The following ACOXL variants were observed in gnomAD, a reference collection of about 807,000 sequenced individuals.
ACOXL encodes acyl-coenzyme A oxidase-like protein.
Under a neutral mutation model 71.9 loss-of-function variants are expected in ACOXL, and 70 were observed. The observed-to-expected ratio is 0.97, with a 90% CI of 0.80 to 1.19. ACOXL has a LOEUF of 1.19. Ranked by LOEUF, ACOXL falls within the 50% of genes most tolerant of loss-of-function variation. The pLI is 0.00. For synonymous variants in ACOXL, 253 were observed against 281.6 expected (o/e 0.90, Z 1.02); for missense variants, 703 against 736.3 (o/e 0.95, Z 0.52).
intron 13 of ACOXL, 101 bp downstream of exon 13, chr2:110,987,318 G>A (rs984088599): frequency 9.2e-7 from 1 of 1,081,906 alleles, no homozygotes; most frequent in African/African-American, 1.6e-5. Flanking sequence ...GAAATTTTTA[G>A]TGTTTGCTGT....
intron 1 of ACOXL, among the ~76,000 whole-genome samples, chr2:110,764,165 T>TA (rs1225561040): frequency 6.6e-6 from 1 of 152,238 alleles, no homozygotes; most frequent in African/African-American, 2.4e-5. Flanking sequence ...CCTTGGTATT[T>TA]ACCCAAAGGA....
chr2:110,737,087 TCA>T (rs1676957651), intron 1 of ACOXL, among the ~76,000 whole-genome samples: 1 of 152,266 alleles, frequency 6.6e-6, no homozygotes, highest in African/African-American at 2.4e-5. Context: ...AAATAGGATC[TCA>T]CTGTGTGTTT....
intron 10 of ACOXL, among the ~76,000 whole-genome samples, chr2:110,852,462 G>C (rs1216058588): frequency 6.6e-6 from 1 of 152,176 alleles, no homozygotes; most frequent in Non-Finnish European, 1.5e-5. Context: ...GGCTTAAATT[G>C]GCAAGACGTA....
intron 16 of ACOXL, among the ~76,000 whole-genome samples, chr2:111,069,772 C>G (rs923076161): frequency 5.9e-5 from 9 of 152,162 alleles, no homozygotes; most frequent in African/African-American, 2.2e-4. Context: ...AATCACCTCT[C>G]TGCATGCAGA....
intron 16 of ACOXL, among the ~76,000 whole-genome samples, chr2:111,084,742 G>T (rs1301960924): frequency 6.6e-6 from 1 of 152,006 alleles, no homozygotes; most frequent in Non-Finnish European, 1.5e-5. Context: ...AATGTAAATG[G>T]ACTAAATGAC....
intron 12 of ACOXL, among the ~76,000 whole-genome samples, chr2:110,951,313 T>C (rs1212082835): frequency 1.3e-5 from 2 of 152,252 alleles, no homozygotes; most frequent in Non-Finnish European, 1.5e-5. Flanking sequence ...AACAACCTAG[T>C]TAAAGTGCCA....
intron 12 of ACOXL, among the ~76,000 whole-genome samples, chr2:110,951,797 A>G (rs1406030265): frequency 6.6e-6 from 1 of 152,138 alleles, no homozygotes; most frequent in Admixed American, 6.5e-5. Context: ...AGATTTTCTA[A>G]TGTTAACAAA....
chr2:111,059,621 G>A lies in ACOXL; in HGVS notation c.1440+10333G>A, dbSNP rs969332654. Among the ~76,000 whole-genome samples, 120 of 152,116 alleles carry A rather than the reference G, an allele frequency of 7.9e-4. 1 individual carries two copies. Among genetic ancestry groups the A allele is most frequent in the African/African-American group, 2.8e-3 (116 of 41,420 alleles). On this transcript the variant is annotated intron_variant, in intron 16 of 17. Transcript: ENST00000439055. ...AAACAAACATAAAAGATTCTGAAAG[G>A]TAAGAACTAGAAAGTAGACCAAGCT...
rs2149533232 is a variant in ACOXL at position 110,983,150 on chromosome 2, T to A, written c.1060-3958T>A. On this transcript the variant is annotated intron_variant, in intron 12 of 17. Transcript: ENST00000439055. ...CCTTGGAAATCACATTTTTCTATTATAATTGGCTCTAAGTGTTTCTGCTTT... is the reference window on the plus strand; with the variant it reads ...CCTTGGAAATCACATTTTTCTATTAAAATTGGCTCTAAGTGTTTCTGCTTT... Among the ~76,000 whole-genome samples, 3 of 152,370 alleles carry A rather than the reference T, an allele frequency of 2.0e-5. No individual in the cohort carries two copies. The South Asian group carries it at 6.2e-4, about 32-fold the overall frequency.
At chr2:111,010,010 G>A (rs2064071743) in intron 14 of ACOXL, among the ~76,000 whole-genome samples, 1 of 152,140 alleles carries the variant, frequency 6.6e-6, no homozygotes, top group African/African-American at 2.4e-5. Flanking sequence ...ACCCTTTAGA[G>A]GAAGTCAACA....
intron 14 of ACOXL, among the ~76,000 whole-genome samples, chr2:110,997,275 A>T (rs1490316492): frequency 1.3e-5 from 2 of 152,236 alleles, no homozygotes; most frequent in African/African-American, 2.4e-5. Context: ...AAGTGCTGGG[A>T]CAAAAGGAGC....
chr2:110,940,251 GC>G (rs1223602965), intron 12 of ACOXL, among the ~76,000 whole-genome samples: 3 of 152,166 alleles, frequency 2.0e-5, no homozygotes, highest in African/African-American at 7.2e-5. Context: ...GCAAAACACA[GC>G]CCAGACTCAC....
chr2:110,818,122 C>G (rs1352582108), intron 9 of ACOXL, among the ~76,000 whole-genome samples: 1 of 151,912 alleles, frequency 6.6e-6, no homozygotes, highest in Non-Finnish European at 1.5e-5. Context: ...TGGCCGGGTG[C>G]AGTGGGTCAT....
At chr2:111,082,225 G>A (rs964230034) in intron 16 of ACOXL, among the ~76,000 whole-genome samples, 4 of 151,906 alleles carry the variant, frequency 2.6e-5, no homozygotes, top group African/African-American at 9.7e-5. Context: ...TCATCAGAGT[G>A]AACAGGCAAC....
chr2:111,022,786 G>C (rs1428710756), intron 14 of ACOXL, among the ~76,000 whole-genome samples: 1 of 152,186 alleles, frequency 6.6e-6, no homozygotes, highest in African/African-American at 2.4e-5. Flanking sequence ...GTACCACTGT[G>C]TTGGAGGTGA....
rs180731706 is a variant in ACOXL, at chr2:110,759,804, T to C, written c.-22-8564T>C. On this transcript the variant is annotated intron_variant, in intron 1 of 17. Transcript: ENST00000439055. ...AACATAAGGAGAATTGATTTCATTA[T>C]GATATTGTCTTCTATTAATAAACAT... is the stretch of plus-strand genomic sequence containing the variant. Among the ~76,000 whole-genome samples the C allele has an allele frequency of 1.8e-3, 281 of 152,340 alleles. 2 individuals are homozygous for C. Among genetic ancestry groups the C allele is most frequent in the Non-Finnish European group, 1.7e-3 (117 of 68,036 alleles).
chr2:110,987,213 A>T lies in ACOXL; in HGVS notation c.1165A>T (p.Thr389Ser). ...TGAATCTGTGGGGGACAAGCTGAGA[A>T]CCAGGTACGTATTACTCAGGCCATC... ...WAESVGDKLR[T>S]SFLAFNMDTV... is the part of the protein sequence containing the mutation. The change falls in exon 13 of 18, where the codon ACC becomes TCC. Residue 389 changes from threonine (T) to serine (S), a missense_variant. By Grantham distance (58) the Thr-to-Ser change is moderately conservative. Transcript: ENST00000439055. 1 of 1,569,142 alleles carries T rather than the reference A, an allele frequency of 6.4e-7. No individual in the cohort carries two copies. Among genetic ancestry groups the T allele is most frequent in the South Asian group, 1.2e-5 (1 of 85,644 alleles).
chr2:110,834,429 T>A (rs1432745319), intron 9 of ACOXL, among the ~76,000 whole-genome samples: 1 of 152,220 alleles, frequency 6.6e-6, no homozygotes, highest in Non-Finnish European at 1.5e-5. Context: ...ATTCTTTTGT[T>A]TGAAACGTAA....
intron 12 of ACOXL, among the ~76,000 whole-genome samples, chr2:110,985,523 A>G (rs772958656): frequency 6.6e-6 from 1 of 152,218 alleles, no homozygotes; most frequent in Non-Finnish European, 1.5e-5. Context: ...ACAGCAAGAC[A>G]TACAATGCCT....
Sources: gnomAD v4.1 joint callset for allele counts (sites outside exome capture counted in the v4.1 genomes callset) on GRCh38, gnomAD v4.1.1 for gene constraint, MANE v1.5 for transcripts, NCBI Gene and HGNC (gene_info 2026-07-23, HGNC 2026-07-21) for gene names.